The following TRAPPC12 variants were observed in gnomAD, a reference collection of about 807,000 sequenced individuals.
TRAPPC12 encodes trafficking protein particle complex subunit 12.
Under a neutral mutation model 69.2 loss-of-function variants are expected in TRAPPC12, and 61 were observed. The observed-to-expected ratio is 0.88, with a 90% CI of 0.72 to 1.09. The LOEUF (loss-of-function observed/expected upper bound fraction) is 1.09, where lower values mean the gene tolerates loss of function less well. Ranked by LOEUF, TRAPPC12 falls within the 50% of genes least tolerant of loss-of-function variation. TRAPPC12 has a pLI of 0.00. For synonymous variants in TRAPPC12, 469 were observed against 438.9 expected, an observed-to-expected ratio of 1.07 and a Z score of -0.86; for missense variants, 1,101 against 1,016.4, an observed-to-expected ratio of 1.08 and a Z score of -1.13.
chr2:3,406,944 C>G (rs991819730), intron 3 of TRAPPC12, among the ~76,000 whole-genome samples: 1 of 152,192 alleles, frequency 6.6e-6, no homozygotes, highest in Non-Finnish European at 1.5e-5. Flanking sequence ...ATTTTATTAA[C>G]AGGCCTAACA....
rs115025315 is a variant in TRAPPC12 at position 3,477,111 on chromosome 2, C to T, written c.1777-584C>T. Among the ~76,000 whole-genome samples, 24 of 152,346 alleles carry T rather than the reference C, an allele frequency of 1.6e-4. No homozygotes were observed. The East Asian group carries it at 4.2e-3, about 27-fold the overall frequency. On this transcript the variant is annotated intron_variant, in intron 9 of 11. Coordinates refer to ENST00000324266, the MANE Select transcript of TRAPPC12 (RefSeq NM_016030.6). ...GGCTGGGGCACTCAGCCTTCCACCC[C>T]CCAGGCCTCCTCTGCCACAGGCCTG... is the stretch of plus-strand genomic sequence containing the variant.
intron 9 of TRAPPC12, among the ~76,000 whole-genome samples, chr2:3,477,295 T>A (rs1666335404): frequency 6.6e-6 from 1 of 152,230 alleles, no homozygotes; most frequent in Non-Finnish European, 1.5e-5. Context: ...GCACCTACCA[T>A]TTTACTAGCC....
intron 3 of TRAPPC12, among the ~76,000 whole-genome samples, chr2:3,408,346 G>A (rs985375091): frequency 2.6e-5 from 4 of 152,212 alleles, no homozygotes; most frequent in Admixed American, 1.3e-4. Context: ...AGCTAATAAA[G>A]CTGGGCGTGG....
At chr2:3,382,348 T>TATAGTTAGA (rs1206593258) in intron 1 of TRAPPC12, among the ~76,000 whole-genome samples, 1 of 152,148 alleles carries the variant, frequency 6.6e-6, no homozygotes. Flanking sequence ...TTAGCCGGTA[T>TATAGTTAGA]GGTCTTGATC....
chr2:3,418,181 G>A (rs1199122214), intron 3 of TRAPPC12, among the ~76,000 whole-genome samples: 1 of 152,102 alleles, frequency 6.6e-6, no homozygotes, highest in East Asian at 1.9e-4. Flanking sequence ...GGCAACATGG[G>A]AAAACCATAT....
chr2:3,404,341 A>G (rs941741628), intron 3 of TRAPPC12, among the ~76,000 whole-genome samples: 3 of 152,208 alleles, frequency 2.0e-5, no homozygotes, highest in Admixed American at 6.5e-5. Context: ...AAGAGAGCCT[A>G]AAGGAAAAAA....
At chr2:3,403,210 C>A (rs867065969) in intron 3 of TRAPPC12, among the ~76,000 whole-genome samples, 1 of 150,462 alleles carries the variant, frequency 6.6e-6, no homozygotes, top group Non-Finnish European at 1.5e-5. Flanking sequence ...TTCTTCTGCA[C>A]CGGGCTTCAG....
intron 5 of TRAPPC12, among the ~76,000 whole-genome samples, chr2:3,435,051 C>T (rs1663674754): frequency 6.6e-6 from 1 of 152,190 alleles, no homozygotes; most frequent in South Asian, 2.1e-4. Context: ...CTCGCTCCGT[C>T]GCCCAGGCTA....
intron 3 of TRAPPC12, among the ~76,000 whole-genome samples, chr2:3,415,452 C>CT (rs1366412566): frequency 6.8e-6 from 1 of 147,020 alleles, no homozygotes. Flanking sequence ...GTGGCCCAGG[C>CT]TGGAGTGCAG....
At position 3,387,920 on chromosome 2, in the gene TRAPPC12, C is replaced by T; in HGVS notation, c.297C>T (p.Asp99=). 1 of 1,528,748 alleles carries T rather than the reference C, an allele frequency of 6.5e-7. No homozygotes were observed. Among genetic ancestry groups the T allele is most frequent in the Non-Finnish European group, 8.8e-7 (1 of 1,138,000 alleles). 94.7% of individuals were successfully genotyped at this position (1,528,748 alleles called of 1,614,324 possible). The stretch of plus-strand genomic sequence containing the variant: ...AAGCTGAGCCCGGAGGGGAAGGCGA[C>T]CCAGGCCCGGAGCCCGCGGGCACCC... ...RDEAEPGGEG[D]PGPEPAGTPS... Residue 99 remains aspartate (D), a synonymous_variant, in exon 2 of 12, where the codon GAC becomes GAT. Coordinates refer to ENST00000324266, the MANE Select transcript of TRAPPC12 (RefSeq NM_016030.6).
intron 5 of TRAPPC12, among the ~76,000 whole-genome samples, chr2:3,434,179 C>T (rs894261817): frequency 5.3e-5 from 8 of 152,228 alleles, no homozygotes; most frequent in African/African-American, 1.7e-4. Flanking sequence ...ACACGGACCT[C>T]GTGGCTGTCA....
At chr2:3,475,791 T>C (rs1666266346) in intron 9 of TRAPPC12, among the ~76,000 whole-genome samples, 1 of 152,158 alleles carries the variant, frequency 6.6e-6, no homozygotes, top group Admixed American at 6.5e-5. Flanking sequence ...GTCTCATCTT[T>C]CCAAGCCCGA....
chr2:3,465,562 C>A, intron 8 of TRAPPC12, 35 bp from the exon 9 acceptor site: 1 of 1,462,042 alleles, frequency 6.8e-7, no homozygotes, highest in Non-Finnish European at 9.6e-7. Flanking sequence ...GTGCTGTTCT[C>A]AGCTCTAAAG....
At chr2:3,449,308 T>C (rs114026570) in intron 6 of TRAPPC12, 82 of 152,492 alleles carry the variant, frequency 5.4e-4, no homozygotes, top group African/African-American at 1.8e-3. Context: ...CACTGTTCGG[T>C]TGTAGTTTCA....
intron 1 of TRAPPC12, among the ~76,000 whole-genome samples, chr2:3,381,777 C>A (rs1265929833): frequency 6.6e-6 from 1 of 152,184 alleles, no homozygotes; most frequent in Non-Finnish European, 1.5e-5. Flanking sequence ...GTGTCCCTCC[C>A]CAGTCAAGCT....
rs914614802 is a variant in TRAPPC12 at position 3,458,530 on chromosome 2, G to A, written c.1603+837G>A. On this transcript the variant is annotated intron_variant, in intron 7 of 11. Transcript: ENST00000324266. ...ACGTGTGTGAGGTGTGTATGTGTGT[G>A]GTGTGTGGATGTTGGGTGTGCATGC... is the stretch of plus-strand genomic sequence containing the variant. 1.0e-5 allele frequency: 9 copies of A among 873,782 alleles called. No homozygotes were observed. The African/African-American group carries it at 2.0e-4, about 20-fold the overall frequency. 54.1% of individuals were successfully genotyped at this position (873,782 alleles called of 1,614,324 possible).
intron 3 of TRAPPC12, among the ~76,000 whole-genome samples, chr2:3,409,801 G>A (rs191972930): frequency 9.1e-4 from 128 of 140,324 alleles, no homozygotes; most frequent in African/African-American, 3.2e-3. Context: ...AAAAAATCCT[G>A]TTTCTATTCC....
chr2:3,382,688 G>A (rs1391513099), intron 1 of TRAPPC12, among the ~76,000 whole-genome samples: 2 of 152,166 alleles, frequency 1.3e-5, no homozygotes, highest in Non-Finnish European at 2.9e-5. Context: ...ACTTTGGGAG[G>A]CCAAGGCAGG....
rs538513223 is a variant in TRAPPC12 at position 3,408,583 on chromosome 2, G to A, written c.1164+6690G>A. 4.1e-4 allele frequency among the ~76,000 whole-genome samples: 62 copies of A among 152,022 alleles called. 1 individual carries two copies. Among genetic ancestry groups the A allele is most frequent in the South Asian group, 1.0e-3 (5 of 4,812 alleles). On this transcript the variant is annotated intron_variant, in intron 3 of 11. Coordinates refer to ENST00000324266, the MANE Select transcript of TRAPPC12 (RefSeq NM_016030.6). ...GTTGAGGCTGCAGTAAGCCATGATC[G>A]GGCCACAGCACTCCTGCCTGGGTGA...
Sources: gnomAD v4.1 joint callset for allele counts (sites outside exome capture counted in the v4.1 genomes callset) on GRCh38, gnomAD v4.1.1 for gene constraint, MANE v1.5 for transcripts, NCBI Gene and HGNC (gene_info 2026-07-23, HGNC 2026-07-21) for gene names.